The following VPS4B variants were observed in gnomAD, a reference collection of about 807,000 sequenced individuals.
VPS4B encodes vacuolar protein sorting-associated protein 4B.
In VPS4B, 23 loss-of-function variants were observed where a neutral mutation model predicts 56.1. The observed-to-expected ratio is 0.41, with a 90% CI of 0.30 to 0.58. The LOEUF (loss-of-function observed/expected upper bound fraction) is 0.58. VPS4B is among the 20% of genes least tolerant of loss of function. VPS4B has a pLI of 0.29. For missense variants in VPS4B, 372 were observed against 531.9 expected (o/e 0.70, Z 2.96); for synonymous variants, 177 against 186.0 (o/e 0.95, Z 0.39).
At position 63,416,898 on chromosome 18, in the gene VPS4B, C is replaced by T. The variant is rs530232267; in HGVS notation, c.28-5320G>A. On this transcript the variant is annotated intron_variant, in intron 1 of 10. Coordinates refer to ENST00000238497, the MANE Select transcript of VPS4B (RefSeq NM_004869.4). ...CCCTAATTTGCTATAGCAAAGGCTG[C>T]ACCTCATTCCTTCTCTTTGCTATCT... 3.9e-5 allele frequency among the ~76,000 whole-genome samples: 6 copies of T among 152,288 alleles called. No individual in the cohort carries two copies. The South Asian group carries it at 1.0e-3, about 26-fold the overall frequency.
chr18:63,404,475 T>G (rs1373328472), intron 4 of VPS4B: 1 of 152,200 alleles, frequency 6.6e-6, no homozygotes, highest in Non-Finnish European at 1.5e-5. Flanking sequence ...ATAGATCTAT[T>G]TACAACTTTT....
Position 63,422,378 on chromosome 18 carries a change from G to T in VPS4B, c.-119C>A. 1 of 922,142 alleles carries T rather than the reference G, an allele frequency of 1.1e-6. No homozygotes were observed. The highest frequency in any genetic ancestry group is 1.5e-6 in the Non-Finnish European group (1 of 665,348). 57.1% of individuals were successfully genotyped at this position (922,142 alleles called of 1,614,324 possible). ...TGGGGAGGCCGGTGGTTCTCGGACC[G>T]CGAAGGGCAGCCTCCCTTCCGGAAC... On this transcript the variant is annotated 5_prime_UTR_variant, in exon 1 of 11. Coordinates refer to ENST00000238497, the MANE Select transcript of VPS4B (RefSeq NM_004869.4).
intron 5 of VPS4B, 122 bp downstream of exon 5, chr18:63,403,585 C>T: frequency 9.2e-7 from 1 of 1,092,182 alleles, no homozygotes; most frequent in South Asian, 1.8e-5. Flanking sequence ...TATATCACCA[C>T]CTTTTAACAG....
chr18:63,402,786 A>G (rs886865055), intron 5 of VPS4B, among the ~76,000 whole-genome samples: 1 of 152,206 alleles, frequency 6.6e-6, no homozygotes, highest in Non-Finnish European at 1.5e-5. Flanking sequence ...GTTGGGTAGT[A>G]AACTGCACCT....
At chr18:63,421,933 C>G (rs1421175334) in intron 1 of VPS4B, among the ~76,000 whole-genome samples, 1 of 152,214 alleles carries the variant, frequency 6.6e-6, no homozygotes, top group African/African-American at 2.4e-5. Flanking sequence ...TTCTTTCTTT[C>G]TCCGTTAACC....
At chr18:63,394,624 G>A (rs536365754) in intron 9 of VPS4B, among the ~76,000 whole-genome samples, 12 of 152,150 alleles carry the variant, frequency 7.9e-5, no homozygotes, top group East Asian at 1.9e-4. Context: ...CCGCCCTGAC[G>A]CCGAGCTAAT....
At chr18:63,420,256 G>C (rs1368862877) in intron 1 of VPS4B, among the ~76,000 whole-genome samples, 3 of 152,040 alleles carry the variant, frequency 2.0e-5, no homozygotes, top group Admixed American at 6.5e-5. Flanking sequence ...AGACCAGCGT[G>C]GCCAACATGG....
chr18:63,422,035 G>A (rs1218181295), intron 1 of VPS4B, among the ~76,000 whole-genome samples, 198 bp downstream of exon 1: 1 of 152,190 alleles, frequency 6.6e-6, no homozygotes, highest in East Asian at 1.9e-4. Flanking sequence ...TAGCTCGGGA[G>A]ACCCCAAGAG....
intron 1 of VPS4B, chr18:63,415,207 T>G (rs896073391): frequency 6.6e-6 from 1 of 152,316 alleles, no homozygotes; most frequent in African/African-American, 2.4e-5. Flanking sequence ...ATTTTTCATT[T>G]GAAATAAAAT....
rs906403562 is a variant in VPS4B, at chr18:63,402,469, T to C, written c.484+1238A>G. Among the ~76,000 whole-genome samples the C allele has an allele frequency of 1.3e-5, 2 of 152,212 alleles. 1 individual carries two copies. Among genetic ancestry groups the C allele is most frequent in the African/African-American group, 4.8e-5 (2 of 41,456 alleles). ...GCAATGCTGTTATTTCTGGATCTGG[T>C]TGATGACACTGGCATGCTTGCTTTG... is the stretch of plus-strand genomic sequence containing the variant. On this transcript the variant is annotated intron_variant, in intron 5 of 10. Transcript: ENST00000238497.
chr18:63,405,056 C>G (rs1288931188), intron 4 of VPS4B, among the ~76,000 whole-genome samples: 4 of 152,032 alleles, frequency 2.6e-5, no homozygotes, highest in Non-Finnish European at 5.9e-5. Flanking sequence ...CTCAAGATTT[C>G]TGCTATAAAT....
intron 1 of VPS4B, among the ~76,000 whole-genome samples, chr18:63,417,175 T>A (rs1019830331): frequency 6.6e-6 from 1 of 152,216 alleles, no homozygotes; most frequent in Admixed American, 6.5e-5. Context: ...ACAATTTCTC[T>A]CCACTAGATA....
chr18:63,411,263 T>C (rs1028093249), intron 2 of VPS4B, among the ~76,000 whole-genome samples: 6 of 152,194 alleles, frequency 3.9e-5, no homozygotes, highest in African/African-American at 1.2e-4. Context: ...TGTTTACATA[T>C]ACAAAGTAAT....
In VPS4B at chr18:63,391,202, A is replaced by G. The variant is rs1915540840; in HGVS notation, c.1234-126T>C. On this transcript the variant is annotated intron_variant, in intron 10 of 10. Transcript: ENST00000238497. ...TAAATATGAATATTTGCAGTCTGCC[A>G]TAAGATACTAACGATAAACTCCCTA... 6.1e-6 allele frequency: 4 copies of G among 653,094 alleles called. No individual in the cohort carries two copies. The Admixed American group carries it at 1.2e-4, about 19-fold the overall frequency. 40.5% of individuals were successfully genotyped at this position (653,094 alleles called of 1,614,324 possible). A position where few individuals can be genotyped will look rare whatever the true frequency, so the allele number is the denominator to read the frequency against.
At chr18:63,418,940 C>A (rs1916230939) in intron 1 of VPS4B, among the ~76,000 whole-genome samples, 1 of 152,164 alleles carries the variant, frequency 6.6e-6, no homozygotes, top group East Asian at 1.9e-4. Flanking sequence ...CGGACATTTC[C>A]ATTTGATTGT....
At chr18:63,402,278 C>T (rs202174768) in intron 5 of VPS4B, among the ~76,000 whole-genome samples, 19 of 28,520 alleles carry the variant, frequency 6.7e-4, no homozygotes, top group African/African-American at 5.8e-3. Flanking sequence ...ACTTTTTTTT[C>T]CACTTATAAA....
chr18:63,416,315 AG>A (rs201355842), intron 1 of VPS4B: 2,628 of 188,178 alleles, frequency 0.014, 65 homozygotes, highest in African/African-American at 0.059. Context: ...TTTTGCATTG[AG>A]TTCATTCATT....
intron 2 of VPS4B, 52 bp downstream of exon 2, chr18:63,411,415 G>C (rs1275371765): frequency 1.8e-5 from 23 of 1,300,114 alleles, no homozygotes; most frequent in Non-Finnish European, 2.3e-5. Flanking sequence ...AAATGAAACA[G>C]AATAAATTTT....
chr18:63,403,971 G>T, intron 4 of VPS4B, 145 bp from the exon 5 acceptor site: 1 of 923,826 alleles, frequency 1.1e-6, no homozygotes. Flanking sequence ...AGCGTGAGCA[G>T]GAAGCAGGTG....
Sources: gnomAD v4.1 joint callset for allele counts (sites outside exome capture counted in the v4.1 genomes callset) on GRCh38, gnomAD v4.1.1 for gene constraint, MANE v1.5 for transcripts, NCBI Gene and HGNC (gene_info 2026-07-23, HGNC 2026-07-21) for gene names.